Variants in SDHAF3 observed in about 807,000 individuals in gnomAD.
The protein encoded by SDHAF3 is succinate dehydrogenase assembly factor 3, mitochondrial.
Under a neutral mutation model 11.5 loss-of-function variants are expected in SDHAF3, and 18 were observed. The ratio of observed to expected loss-of-function variants is 1.56; its 90% CI spans 1.08 to 2.32. The LOEUF is 2.32. Among genes scored for constraint, SDHAF3 ranks in the 30% most tolerant of loss-of-function variants. SDHAF3 has a pLI of 0.00. For synonymous variants in SDHAF3, 72 were observed against 59.3 expected (o/e 1.21, Z -0.99); for missense variants, 200 against 154.4 (o/e 1.30, Z -1.57).
chr7:97,137,680 C>T (rs916638906), intron 1 of SDHAF3, among the ~76,000 whole-genome samples: 3 of 152,068 alleles, frequency 2.0e-5, no homozygotes, highest in African/African-American at 2.4e-5. Context: ...TAGGGTGAGA[C>T]CCATTGTGTC....
chr7:97,120,646 A>C (rs1385422242), intron 1 of SDHAF3, among the ~76,000 whole-genome samples: 2 of 152,140 alleles, frequency 1.3e-5, no homozygotes, highest in East Asian at 3.8e-4. Flanking sequence ...TTACGTTTAC[A>C]TCAAACTAAG....
At chr7:97,125,929 T>C (rs548268837) in intron 1 of SDHAF3, among the ~76,000 whole-genome samples, 4 of 152,232 alleles carry the variant, frequency 2.6e-5, no homozygotes, top group Non-Finnish European at 5.9e-5. Flanking sequence ...GTTTTTGGAA[T>C]TTGCAGCATT....
At chr7:97,123,696 CGT>C (rs1562819055) in intron 1 of SDHAF3, among the ~76,000 whole-genome samples, 3,791 of 151,904 alleles carry the variant, frequency 0.025, 143 homozygotes, top group African/African-American at 0.087. Flanking sequence ...TTCTAACTGG[CGT>C]GAGATGGTAT....
intron 1 of SDHAF3, among the ~76,000 whole-genome samples, chr7:97,144,113 T>G (rs1789100267): frequency 6.6e-6 from 1 of 152,192 alleles, no homozygotes; most frequent in African/African-American, 2.4e-5. Context: ...TTTCATATGG[T>G]CATCGGCCTT....
At chr7:97,122,103 C>T (rs775390986) in intron 1 of SDHAF3, among the ~76,000 whole-genome samples, 1 of 152,168 alleles carries the variant, frequency 6.6e-6, no homozygotes, top group African/African-American at 2.4e-5. Context: ...ATGATCCGCC[C>T]ACCTGGGCCT....
rs1789597308 is a variant in SDHAF3, at chr7:97,171,161, T to C, written c.175-9851T>C. ...GTTTTTGCTCCTCTAGGAGGCATGA[T>C]ATTTTTAATAAGTTCTCTAGGGAAA... On this transcript the variant is annotated intron_variant, in intron 1 of 1. Transcript: ENST00000432641. Among the ~76,000 whole-genome samples the C allele has an allele frequency of 2.6e-5, 4 of 151,852 alleles. No homozygotes were observed. In the South Asian group the frequency reaches 8.3e-4, roughly 32 times the overall value.
Position 97,117,759 on chromosome 7 carries a change from G to T in SDHAF3, c.36G>T (p.Leu12Phe). 3 of 1,614,122 alleles carry T rather than the reference G, an allele frequency of 1.9e-6. No homozygotes were observed. Among genetic ancestry groups the T allele is most frequent in the Non-Finnish European group, 2.5e-6 (3 of 1,180,004 alleles). ...GGCACGTTTCTCGAGTCCGGGCATT[G>T]TACAAGCGCGTCTTGCAGCTGCACC... is the stretch of plus-strand genomic sequence containing the variant. ...PGRHVSRVRALYKRVLQLHRV... is the reference protein window; with the variant it reads ...PGRHVSRVRAFYKRVLQLHRV... The change falls in exon 1 of 2, where the codon TTG becomes TTT. Residue 12 changes from leucine (L) to phenylalanine (F), a missense_variant. Coordinates refer to ENST00000432641, the MANE Select transcript of SDHAF3 (RefSeq NM_020186.3).
intron 1 of SDHAF3, among the ~76,000 whole-genome samples, chr7:97,118,514 TAAAC>T (rs998996297): frequency 2.4e-4 from 36 of 151,756 alleles, no homozygotes; most frequent in South Asian, 6.3e-4. Context: ...CGCTAAATAT[TAAAC>T]AGACACATGC....
At chr7:97,135,585 GTGTGTGTGTGTGTGTGTC>G (rs1235303521) in intron 1 of SDHAF3, 3 of 92,442 alleles carry the variant, frequency 3.2e-5, no homozygotes, top group African/African-American at 6.9e-5. Flanking sequence ...CCCCATATGT[GTGTGTGTGTGTGTGTGTC>G]TGTGTGTGTG....
chr7:97,179,193 T>C (rs940810928), intron 1 of SDHAF3, among the ~76,000 whole-genome samples: 1 of 152,224 alleles, frequency 6.6e-6, no homozygotes, highest in African/African-American at 2.4e-5. Context: ...ATTGGTGTTA[T>C]ATATCTATTC....
intron 1 of SDHAF3, among the ~76,000 whole-genome samples, chr7:97,178,125 C>T (rs951077934): frequency 1.3e-5 from 2 of 152,136 alleles, no homozygotes; most frequent in African/African-American, 2.4e-5. Flanking sequence ...TTTTCCTATT[C>T]TAGATATTTC....
chr7:97,148,579 T>A (rs1789170819), intron 1 of SDHAF3, among the ~76,000 whole-genome samples: 2 of 152,216 alleles, frequency 1.3e-5, no homozygotes, highest in Admixed American at 6.5e-5. Flanking sequence ...AGTTTTACTT[T>A]GACTCCATGA....
chr7:97,160,148 G>A lies in SDHAF3; in HGVS notation c.175-20864G>A, dbSNP rs561779469. Among the ~76,000 whole-genome samples, 1,133 of 130,376 alleles carry A rather than the reference G, an allele frequency of 8.7e-3. 14 individuals are homozygous for A. The highest frequency in any genetic ancestry group is 0.032 in the African/African-American group (1,080 of 34,074). 85.5% of individuals were successfully genotyped at this position (130,376 alleles called of 152,430 possible). On this transcript the variant is annotated intron_variant, in intron 1 of 1. Transcript: ENST00000432641. ...AGGAGTGTCTCTGCCCGGCCGCCCC[G>A]TCTGGGAGGTGAGTAGCGCCCCTGC...
chr7:97,178,939 A>G (rs1445311354), intron 1 of SDHAF3, among the ~76,000 whole-genome samples: 2 of 152,158 alleles, frequency 1.3e-5, no homozygotes, highest in Non-Finnish European at 2.9e-5. Context: ...ATTTACCTAT[A>G]TATTTTCTTC....
chr7:97,168,227 C>T (rs1249806127), intron 1 of SDHAF3, among the ~76,000 whole-genome samples: 1 of 152,134 alleles, frequency 6.6e-6, no homozygotes, highest in Admixed American at 6.5e-5. Context: ...CTGAACTAAG[C>T]TTAGAGCAAA....
chr7:97,128,493 T>G (rs947896411), intron 1 of SDHAF3, among the ~76,000 whole-genome samples: 1 of 152,184 alleles, frequency 6.6e-6, no homozygotes, highest in African/African-American at 2.4e-5. Flanking sequence ...TTTAAATGAT[T>G]CAAAATTTTC....
At chr7:97,153,046 TTGGGGAGGGCC>T (rs1288180081) in intron 1 of SDHAF3, among the ~76,000 whole-genome samples, 1 of 152,252 alleles carries the variant, frequency 6.6e-6, no homozygotes, top group African/African-American at 2.4e-5. Context: ...GATGTTTGTT[TTGGGGAGGGCC>T]TGTCACTGTC....
intron 1 of SDHAF3, among the ~76,000 whole-genome samples, chr7:97,179,707 TCCCCACCCCTACC>T (rs1789740088): frequency 6.8e-6 from 1 of 147,176 alleles, no homozygotes; most frequent in Non-Finnish European, 1.5e-5. Flanking sequence ...CACTGACCCC[TCCCCACCCCTACC>T]CCCCCTACAC....
In SDHAF3 at chr7:97,171,560, C is replaced by CAAGTT. The variant is rs1244710180; in HGVS notation, c.175-9451_175-9447dup. On this transcript the variant is annotated intron_variant, in intron 1 of 1. Coordinates refer to ENST00000432641, the MANE Select transcript of SDHAF3 (RefSeq NM_020186.3). ...TTTGTATATAAAATATTTAAAAAGTCAAGTTTTTAATGGGACATGTCATAT... is the reference window on the plus strand; with the variant it reads ...TTTGTATATAAAATATTTAAAAAGTCAAGTTAAGTTTTTAATGGGACATGTCATAT... 3.3e-5 allele frequency among the ~76,000 whole-genome samples: 5 copies of CAAGTT among 151,880 alleles called. No homozygotes were observed. In the East Asian group the frequency reaches 7.7e-4, roughly 23 times the overall value.
Sources: allele counts gnomAD v4.1 joint callset (sites outside exome capture counted in the v4.1 genomes callset), GRCh38; gene constraint gnomAD v4.1.1; transcripts MANE v1.5; gene names NCBI Gene and HGNC (gene_info 2026-07-23, HGNC 2026-07-21).